Variants in BUD23 observed in about 807,000 individuals in gnomAD.
BUD23 encodes 18S rRNA (guanine-N(7))-methyltransferase.
A neutral mutation model predicts 47.0 loss-of-function variants in BUD23; 34 were observed. That is an observed-to-expected ratio of 0.72 (90% CI 0.55 to 0.96). The LOEUF is 0.96. BUD23 is among the 40% of genes least tolerant of loss of function. The pLI, the probability that BUD23 is intolerant of heterozygous loss-of-function variation, is 0.00. For missense variants in BUD23, 343 were observed against 361.2 expected (o/e 0.95, Z 0.41); for synonymous variants, 124 against 132.0 (o/e 0.94, Z 0.41).
At chr7:73,693,556 G>T (rs547174479) in intron 8 of BUD23, 68 bp from the exon 9 acceptor site, 15 of 1,606,528 alleles carry the variant, frequency 9.3e-6, no homozygotes, top group Non-Finnish European at 9.4e-6. Context: ...GCGGGTGGGG[G>T]AGCTGAGGGC....
intron 2 of BUD23, among the ~76,000 whole-genome samples, chr7:73,684,923 C>CAAAAAAAAAAAAAAA (rs56229090): frequency 2.0e-5 from 1 of 49,148 alleles, no homozygotes; most frequent in Admixed American, 3.1e-4. Context: ...GACTTTGTTT[C>CAAAAAAAAAAAAAAA]AAAAAAAAAA....
intron 10 of BUD23, chr7:73,697,295 G>GC: frequency 1.4e-6 from 1 of 690,148 alleles, no homozygotes; most frequent in Non-Finnish European, 2.4e-6. Flanking sequence ...GTAGAAAGCG[G>GC]CCTGCTTACT....
At chr7:73,689,191 A>G (rs1287337581) in intron 5 of BUD23, among the ~76,000 whole-genome samples, 1 of 152,162 alleles carries the variant, frequency 6.6e-6, no homozygotes, top group African/African-American at 2.4e-5. Flanking sequence ...CTGGGATTAC[A>G]GGTGCTCACC....
At position 73,698,134 on chromosome 7, in the gene BUD23, G is replaced by GTTAA; in HGVS notation, c.*248_*249insTTAA. On this transcript the variant is annotated 3_prime_UTR_variant, in exon 12 of 12. Transcript: ENST00000265758. ...AACATAATGAAACTTCCTTTCCAGG[G>GTTAA]AGGAAAAAAAAAAAAAAAAAAAGCT... The GTTAA allele has an allele frequency of 1.6e-5, 1 of 63,394 alleles. No individual in the cohort carries two copies. The allele number at this position is 63,394 out of a possible 1,614,324, so 3.9% of individuals were successfully genotyped here.
chr7:73,697,378 TCTC>T (rs1798448392), intron 10 of BUD23: 14 of 1,500,050 alleles, frequency 9.3e-6, no homozygotes, highest in South Asian at 1.2e-5. Context: ...GGCCCAGCTC[TCTC>T]CTCCTCTGCC....
chr7:73,693,476 T>G, intron 8 of BUD23, 62 bp downstream of exon 8: 1 of 1,602,742 alleles, frequency 6.2e-7, no homozygotes, highest in Non-Finnish European at 8.5e-7. Context: ...GCATAGCCCT[T>G]TCAGGCCACT....
intron 7 of BUD23, 156 bp downstream of exon 7, chr7:73,692,802 T>C: frequency 1.5e-6 from 1 of 673,972 alleles, no homozygotes; most frequent in East Asian, 2.8e-5. Flanking sequence ...TGACCTGATA[T>C]CCTAAGGGGG....
intron 10 of BUD23, chr7:73,697,084 C>A: frequency 3.8e-6 from 1 of 263,800 alleles, no homozygotes; most frequent in Non-Finnish European, 7.4e-6. Flanking sequence ...CTTGCCCTGT[C>A]TCTGGTTTCT....
intron 10 of BUD23, chr7:73,694,284 A>T: frequency 2.1e-6 from 1 of 482,848 alleles, no homozygotes; most frequent in South Asian, 3.3e-5. Context: ...GAGCCCACAC[A>T]TGCCCCTTCC....
rs781811084 is a variant in BUD23 at position 73,686,865 on chromosome 7, A to G, written c.230A>G (p.Tyr77Cys). 3.7e-6 allele frequency: 6 copies of G among 1,614,140 alleles called. No individual in the cohort carries two copies. Among genetic ancestry groups the G allele is most frequent in the Non-Finnish European group, 4.2e-6 (5 of 1,180,022 alleles). Residue 77 changes from tyrosine (Y) to cysteine (C), a missense_variant, in exon 4 of 12, where the codon TAT becomes TGT. By Grantham distance (194) the Tyr-to-Cys change is radical (BLOSUM62 -2). Transcript: ENST00000265758. Reference sequence around the variant, plus strand: ...AGTTATCTGTCAGATGAAGGGCACTATTGGGTGGGCCTGGATATCAGCCCT... The same window carrying G: ...AGTTATCTGTCAGATGAAGGGCACTGTTGGGTGGGCCTGGATATCAGCCCT... ...SGSYLSDEGH[Y>C]WVGLDISPAM...
At position 73,694,637 on chromosome 7, in the gene BUD23, A is replaced by G. The variant is rs562195568; in HGVS notation, c.701+587A>G. The G allele has an allele frequency of 7.2e-5, 11 of 152,376 alleles. No individual in the cohort carries two copies. The South Asian group carries it at 1.5e-3, about 20-fold the overall frequency. 9.4% of individuals were successfully genotyped at this position (152,376 alleles called of 1,614,324 possible). On this transcript the variant is annotated intron_variant, in intron 10 of 11. Coordinates refer to ENST00000265758, the MANE Select transcript of BUD23 (RefSeq NM_017528.5). ...ATTGTTCTTGTCAACTCCACCACCA[A>G]TTTCCATCAAGCCACATCTGGTCAC...
At chr7:73,685,590 T>G (rs1394308285) in intron 2 of BUD23, among the ~76,000 whole-genome samples, 1 of 152,092 alleles carries the variant, frequency 6.6e-6, no homozygotes, top group Non-Finnish European at 1.5e-5. Flanking sequence ...AATTTTTTTG[T>G]GGAGAGGGAG....
At chr7:73,683,917 G>GC (rs782135129) in intron 2 of BUD23, 113 bp downstream of exon 2, 4 of 1,598,010 alleles carry the variant, frequency 2.5e-6, no homozygotes, top group East Asian at 2.2e-5. Context: ...GGAAGGGAAG[G>GC]ACCCGGGTGG....
rs908262655 is a variant in BUD23, at chr7:73,694,104, T to A, written c.701+54T>A. On this transcript the variant is annotated intron_variant, in intron 10 of 11. Coordinates refer to ENST00000265758, the MANE Select transcript of BUD23 (RefSeq NM_017528.5). The stretch of plus-strand genomic sequence containing the variant: ...CTGCAGCGGGGGCTGCCACATTTGT[T>A]AGACATGGACTTTCTCTCTGCCCTC... 1.5e-5 allele frequency: 24 copies of A among 1,571,762 alleles called. No homozygotes were observed. The highest frequency in any genetic ancestry group is 3.8e-4 in the Middle Eastern group (2 of 5,310).
At chr7:73,691,098 A>G in intron 6 of BUD23, 86 bp downstream of exon 6, 4 of 1,211,118 alleles carry the variant, frequency 3.3e-6, no homozygotes, top group Non-Finnish European at 3.7e-6. Context: ...GAGGTGTCCC[A>G]TGATGGGTAA....
chr7:73,690,811 G>C, intron 5 of BUD23, 105 bp from the exon 6 acceptor site: 1 of 833,980 alleles, frequency 1.2e-6, no homozygotes, highest in Admixed American at 2.1e-5. Flanking sequence ...TGTGGGAGGA[G>C]GGGTTTCTCT....
At chr7:73,697,446 A>G (rs1554615018) in intron 10 of BUD23, 159 bp from the exon 11 acceptor site, 1 of 1,538,768 alleles carries the variant, frequency 6.5e-7, no homozygotes, top group Non-Finnish European at 8.7e-7. Context: ...GGGTGTCCAG[A>G]GCGGGGAATT....
intron 8 of BUD23, 100 bp from the exon 9 acceptor site, chr7:73,693,524 G>A (rs1441078341): frequency 2.5e-6 from 4 of 1,597,270 alleles, no homozygotes; most frequent in Non-Finnish European, 3.4e-6. Context: ...GGGTCACCAG[G>A]GTCCAGGCAG....
At chr7:73,688,413 T>C (rs1798063151) in intron 5 of BUD23, among the ~76,000 whole-genome samples, 1 of 152,220 alleles carries the variant, frequency 6.6e-6, no homozygotes, top group Non-Finnish European at 1.5e-5. Context: ...GCACCACTGG[T>C]ACAGATTCTG....
Sources: allele counts gnomAD v4.1 joint callset (sites outside exome capture counted in the v4.1 genomes callset), GRCh38; gene constraint gnomAD v4.1.1; transcripts MANE v1.5; gene names NCBI Gene and HGNC (gene_info 2026-07-23, HGNC 2026-07-21).